Variants in GPATCH2L observed in about 807,000 individuals in gnomAD.
GPATCH2L encodes the protein G patch domain-containing protein 2-like.
In GPATCH2L, 31 loss-of-function variants were observed where a neutral mutation model predicts 57.4. The observed-to-expected ratio is 0.54, with a 90% CI of 0.41 to 0.73. The LOEUF is 0.73. Ranked by LOEUF, GPATCH2L falls within the 30% of genes least tolerant of loss-of-function variation. The pLI, the probability that GPATCH2L is intolerant of heterozygous loss-of-function variation, is 0.00. For synonymous variants in GPATCH2L, 199 were observed against 210.7 expected, an observed-to-expected ratio of 0.94 and a Z score of 0.48; for missense variants, 481 against 599.9, an observed-to-expected ratio of 0.80 and a Z score of 2.07.
rs188414891 is a variant in GPATCH2L at position 76,214,027 on chromosome 14, G to A, written c.*12176G>A. 5.3e-5 allele frequency: 8 copies of A among 152,106 alleles called. No individual in the cohort carries two copies. The highest frequency in any genetic ancestry group is 1.2e-4 in the Non-Finnish European group (8 of 68,006). 9.4% of individuals were successfully genotyped at this position (152,106 alleles called of 1,614,324 possible). A position where few individuals can be genotyped will look rare whatever the true frequency, so the allele number is the denominator to read the frequency against. On this transcript the variant is annotated 3_prime_UTR_variant, in exon 10 of 10. Transcript: ENST00000261530. ...TATGTTTTAACAACTGGCAAGGCTA[G>A]TCCCCCTTATAATTTTTCCTATTGT...
At chr14:76,152,939 C>CT (rs149540881) in intron 1 of GPATCH2L, 63,521 of 300,190 alleles carry the variant, frequency 0.21, 4,196 homozygotes, top group African/African-American at 0.32. Context: ...TTTTAATCCA[C>CT]TTTTTTTTTT....
At chr14:76,222,613 C>T (rs1158884841) in intron 1 of GPATCH2L, among the ~76,000 whole-genome samples, 1 of 151,070 alleles carries the variant, frequency 6.6e-6, no homozygotes, top group Admixed American at 6.6e-5. Context: ...GTAACAACAA[C>T]AAACCCAAAA....
intron 2 of GPATCH2L, among the ~76,000 whole-genome samples, chr14:76,156,771 G>T (rs1363399041): frequency 6.6e-6 from 1 of 152,194 alleles, no homozygotes; most frequent in Non-Finnish European, 1.5e-5. Context: ...CGACATAATT[G>T]TATGTGAGAG....
chr14:76,198,520 CT>C (rs1158919542), intron 9 of GPATCH2L, among the ~76,000 whole-genome samples: 1 of 152,114 alleles, frequency 6.6e-6, no homozygotes, highest in Non-Finnish European at 1.5e-5. Context: ...AAACACATGC[CT>C]TTTGATAAAG....
chr14:76,170,687 C>G (rs2039044320), intron 3 of GPATCH2L: 1 of 151,928 alleles, frequency 6.6e-6, no homozygotes, highest in African/African-American at 2.4e-5. Context: ...CTTTATTCAC[C>G]TTTTATGATA....
intron 1 of GPATCH2L, among the ~76,000 whole-genome samples, chr14:76,224,421 C>G (rs553199794): frequency 2.0e-5 from 3 of 152,190 alleles, no homozygotes; most frequent in African/African-American, 7.2e-5. Context: ...TAGTGTATTT[C>G]ACTACATTAG....
At chr14:76,181,902 T>C (rs1413517922) in intron 8 of GPATCH2L, among the ~76,000 whole-genome samples, 1 of 152,204 alleles carries the variant, frequency 6.6e-6, no homozygotes, top group African/African-American at 2.4e-5. Context: ...AGGTTCAGGC[T>C]GCACAAAGAA....
chr14:76,215,386 T>C (rs1369555183), downstream of GPATCH2L, among the ~76,000 whole-genome samples: 1 of 152,000 alleles, frequency 6.6e-6, no homozygotes, highest in African/African-American at 2.4e-5. Flanking sequence ...GAACTAGAAA[T>C]ACCATTTGAC....
rs1039113935 is a variant in GPATCH2L, at chr14:76,210,232, C to G, written c.*8381C>G. Reference sequence around the variant, plus strand: ...TATTCAACAACTCTAAAGGTAGGTACTTTTATCTCCATTTTAAAACAATGA... The same window carrying G: ...TATTCAACAACTCTAAAGGTAGGTAGTTTTATCTCCATTTTAAAACAATGA... On this transcript the variant is annotated 3_prime_UTR_variant, in exon 10 of 10. Transcript: ENST00000261530. 3 of 152,190 alleles carry G rather than the reference C, an allele frequency of 2.0e-5. No individual in the cohort carries two copies. The highest frequency in any genetic ancestry group is 4.4e-5 in the Non-Finnish European group (3 of 68,044). The allele number at this position is 152,190 out of a possible 1,614,324, so 9.4% of individuals were successfully genotyped here.
rs2040462908 is a variant in GPATCH2L, at chr14:76,213,313, G to A, written c.*11462G>A. 6.6e-6 allele frequency: 1 copy of A among 152,184 alleles called. No homozygotes were observed. Among genetic ancestry groups the A allele is most frequent in the Non-Finnish European group, 1.5e-5 (1 of 68,006 alleles). The allele number at this position is 152,184 out of a possible 1,614,324, so 9.4% of individuals were successfully genotyped here. Reference sequence around the variant, plus strand: ...CTTGGATTAAATGGATAATTTTCCAGGAAGGTATAGTTTGCCAAAAAATGA... The same window carrying A: ...CTTGGATTAAATGGATAATTTTCCAAGAAGGTATAGTTTGCCAAAAAATGA... On this transcript the variant is annotated 3_prime_UTR_variant, in exon 10 of 10. Coordinates refer to ENST00000261530, the MANE Select transcript of GPATCH2L (RefSeq NM_017926.4).
At position 76,154,915 on chromosome 14, in the gene GPATCH2L, G is replaced by A; in HGVS notation, c.552G>A (p.Leu184=). The part of the protein sequence containing the change: ...NTPWTSSGHG[L]CESAENRTFL... Reference sequence around the variant, plus strand: ...CCTGGACCTCATCAGGCCACGGATTGTGTGAATCAGCAGAAAATAGGACTT... The same window carrying A: ...CCTGGACCTCATCAGGCCACGGATTATGTGAATCAGCAGAAAATAGGACTT... Residue 184 remains leucine, a synonymous_variant, in exon 2 of 10, where the codon TTG becomes TTA. Coordinates refer to ENST00000261530, the MANE Select transcript of GPATCH2L (RefSeq NM_017926.4). This position sits in a 1 kb window ranked among gnomAD's most constrained non-coding sequence, Gnocchi z 4.4. The A allele has an allele frequency of 6.2e-7, 1 of 1,614,184 alleles. No individual in the cohort carries two copies. Among genetic ancestry groups the A allele is most frequent in the Admixed American group, 1.7e-5 (1 of 60,026 alleles).
At chr14:76,153,958 G>A (rs2038174822) in intron 1 of GPATCH2L, 1 of 161,162 alleles carries the variant, frequency 6.2e-6, no homozygotes, top group Admixed American at 6.1e-5. Flanking sequence ...TTCTGTTCCT[G>A]TCTAGTGAGA....
chr14:76,160,728 A>C (rs983626562), intron 2 of GPATCH2L, among the ~76,000 whole-genome samples: 1 of 152,216 alleles, frequency 6.6e-6, no homozygotes, highest in African/African-American at 2.4e-5. Context: ...AGTGGCTCAG[A>C]CATTCTTAGA....
chr14:76,158,811 C>A lies in GPATCH2L; in HGVS notation c.662+3786C>A, dbSNP rs74069338. On this transcript the variant is annotated intron_variant, in intron 2 of 9. Transcript: ENST00000261530. Reference sequence around the variant, plus strand: ...TGCTTATGTGGGTATATTCACAGTTCTGCTAGTATCCTTAGGGACAACTAA... The same window carrying A: ...TGCTTATGTGGGTATATTCACAGTTATGCTAGTATCCTTAGGGACAACTAA... Among the ~76,000 whole-genome samples, 1,510 of 152,276 alleles carry A rather than the reference C, an allele frequency of 9.9e-3. 27 individuals carry two copies. The highest frequency in any genetic ancestry group is 0.035 in the African/African-American group (1,456 of 41,550).
At position 76,186,599 on chromosome 14, in the gene GPATCH2L, C is replaced by T. The variant is rs539755145; in HGVS notation, c.1193+5750C>T. On this transcript the variant is annotated intron_variant, in intron 8 of 9. Transcript: ENST00000261530. ...TTCAGCCACATGTGTGAAGCAGTTT[C>T]TGCTATAGTATTGTCTATAAGGCTG... Among the ~76,000 whole-genome samples the T allele has an allele frequency of 8.5e-5, 13 of 152,292 alleles. No homozygotes were observed. The South Asian group carries it at 2.3e-3, about 27-fold the overall frequency.
intron 2 of GPATCH2L, chr14:76,230,259 T>A (rs1338296151): frequency 6.6e-6 from 1 of 152,250 alleles, no homozygotes; most frequent in Non-Finnish European, 1.5e-5. Flanking sequence ...GTGATGTCAA[T>A]TGGATGTAGC....
At chr14:76,183,635 T>G (rs1335511460) in intron 8 of GPATCH2L, among the ~76,000 whole-genome samples, 2 of 152,212 alleles carry the variant, frequency 1.3e-5, no homozygotes, top group Non-Finnish European at 2.9e-5. Flanking sequence ...TGGGAAATGA[T>G]CAGCGCAAGT....
At chr14:76,179,512 C>A (rs1399005401) in intron 7 of GPATCH2L, 1 of 152,198 alleles carries the variant, frequency 6.6e-6, no homozygotes, top group Non-Finnish European at 1.5e-5. Context: ...TGATCCAGAT[C>A]CGTTATTTGC....
At chr14:76,174,246 C>T (rs2039222098) in intron 5 of GPATCH2L, 1 of 152,216 alleles carries the variant, frequency 6.6e-6, no homozygotes, top group East Asian at 1.9e-4. Flanking sequence ...TGATGTTACC[C>T]AGATAGGAAT....
Sources: allele counts gnomAD v4.1 joint callset (sites outside exome capture counted in the v4.1 genomes callset), GRCh38; gene constraint gnomAD v4.1.1; non-coding constraint Gnocchi (gnomAD v3.1); transcripts MANE v1.5; gene names NCBI Gene and HGNC (gene_info 2026-07-23, HGNC 2026-07-21).